TIAM1: variants seen among roughly 807,000 people sequenced by gnomAD.
TIAM1 encodes the protein rho guanine nucleotide exchange factor TIAM1.
In TIAM1, 65 loss-of-function variants were observed where a neutral mutation model predicts 163.5. That is an observed-to-expected ratio of 0.40 (90% confidence interval 0.33 to 0.49). The LOEUF is 0.49. Among genes scored for constraint, TIAM1 ranks in the 20% least tolerant of loss-of-function variants. The pLI is 0.77. For synonymous variants in TIAM1, 833 were observed against 810.1 expected (o/e 1.03, Z -0.48); for missense variants, 1,789 against 2,044.7 (o/e 0.87, Z 2.41).
chr21:31,510,107 T>A (rs1400142372), intron 1 of TIAM1, among the ~76,000 whole-genome samples: 5 of 152,180 alleles, frequency 3.3e-5, no homozygotes, highest in Non-Finnish European at 1.5e-5. Flanking sequence ...TGTAACTGCA[T>A]CAGTTTGCTA....
chr21:31,251,812 C>A lies in TIAM1; in HGVS notation c.1341G>T (p.Val447=). The change falls in exon 5 of 28, where the codon GTG becomes GTT. Residue 447 remains valine, a synonymous_variant. Transcript: ENST00000541036. Reference sequence around the variant, plus strand: ...ACTCCACCTTCTTGTTCTTCTTGTGCACCAGGAAGTTCTTGACGGCCAGGG... The same window carrying A: ...ACTCCACCTTCTTGTTCTTCTTGTGAACCAGGAAGTTCTTGACGGCCAGGG... The part of the protein sequence containing the change: ...AGALAVKNFL[V]HKKNKKVESA... 6.2e-7 allele frequency: 1 copy of A among 1,612,946 alleles called. No homozygotes were observed. Among genetic ancestry groups the A allele is most frequent in the Non-Finnish European group, 8.5e-7 (1 of 1,179,220 alleles).
chr21:31,240,897 T>C (rs1371568788), intron 6 of TIAM1, among the ~76,000 whole-genome samples: 1 of 152,214 alleles, frequency 6.6e-6, no homozygotes, highest in Non-Finnish European at 1.5e-5. Flanking sequence ...TAATCTCATC[T>C]TCAATTGTAG....
intron 2 of TIAM1, among the ~76,000 whole-genome samples, chr21:31,277,582 T>C (rs957008041): frequency 2.0e-5 from 3 of 151,912 alleles, no homozygotes; most frequent in African/African-American, 7.3e-5. Flanking sequence ...GAGGTGGAGG[T>C]TGCAGTGAGC....
chr21:31,260,458 C>T lies in TIAM1; in HGVS notation c.963+5552G>A, dbSNP rs143797647. Among the ~76,000 whole-genome samples the T allele has an allele frequency of 1.8e-3, 267 of 151,290 alleles. 1 individual carries two copies. The highest frequency in any genetic ancestry group is 5.7e-3 in the African/African-American group (237 of 41,324). Reference sequence around the variant, plus strand: ...TTCACCATGTAGGCAAGGCTGGTCTCGAACTCCTGACCTGAAATGACCTGC... The same window carrying T: ...TTCACCATGTAGGCAAGGCTGGTCTTGAACTCCTGACCTGAAATGACCTGC... On this transcript the variant is annotated intron_variant, in intron 4 of 27. Coordinates refer to ENST00000541036, the MANE Select transcript of TIAM1 (RefSeq NM_001353694.2).
intron 2 of TIAM1, among the ~76,000 whole-genome samples, chr21:31,425,047 C>T (rs1352812296): frequency 2.7e-5 from 4 of 148,692 alleles, no homozygotes; most frequent in Non-Finnish European, 4.4e-5. Context: ...AGCAGGACTC[C>T]GTCTCAAACA....
chr21:31,422,492 G>A (rs1017965172), intron 2 of TIAM1, among the ~76,000 whole-genome samples: 7 of 152,120 alleles, frequency 4.6e-5, no homozygotes, highest in Admixed American at 3.9e-4. Context: ...TTTTTAACAA[G>A]GAACCCTAGA....
At chr21:31,552,922 G>T (rs2048742876) in intron 1 of TIAM1, among the ~76,000 whole-genome samples, 1 of 152,172 alleles carries the variant, frequency 6.6e-6, no homozygotes, top group Non-Finnish European at 1.5e-5. Context: ...GGAATCCAAA[G>T]AAAATTTCAG....
At chr21:31,284,289 G>A (rs1259632751) in intron 2 of TIAM1, among the ~76,000 whole-genome samples, 3 of 152,182 alleles carry the variant, frequency 2.0e-5, no homozygotes, top group Non-Finnish European at 1.5e-5. Context: ...CCTTGGTTTA[G>A]AAGAGATGTC....
At chr21:31,466,296 A>C (rs898948695) in intron 1 of TIAM1, among the ~76,000 whole-genome samples, 3 of 152,304 alleles carry the variant, frequency 2.0e-5, no homozygotes, top group African/African-American at 7.2e-5. Flanking sequence ...TATTAAAGTC[A>C]GGGGGATTCT....
At chr21:31,472,592 A>T (rs2045783778) in intron 1 of TIAM1, among the ~76,000 whole-genome samples, 1 of 152,226 alleles carries the variant, frequency 6.6e-6, no homozygotes, top group African/African-American at 2.4e-5. Context: ...TGGCTGTCAC[A>T]TGCCCCGCAT....
At chr21:31,511,257 C>G (rs2147471605) in intron 1 of TIAM1, among the ~76,000 whole-genome samples, 2 of 152,312 alleles carry the variant, frequency 1.3e-5, no homozygotes, top group African/African-American at 4.8e-5. Flanking sequence ...CCAGGGTGAG[C>G]AGTTGGCTGG....
chr21:31,176,384 C>T (rs1013574523), intron 15 of TIAM1, among the ~76,000 whole-genome samples: 14 of 152,078 alleles, frequency 9.2e-5, no homozygotes, highest in African/African-American at 3.4e-4. Flanking sequence ...ACATCCTTCC[C>T]TTTTTTTCCT....
rs777770222 is a variant in TIAM1 at position 31,124,645 on chromosome 21, G to A, written c.4183C>T (p.Arg1395Cys). 8 of 1,612,188 alleles carry A rather than the reference G, an allele frequency of 5.0e-6. No individual in the cohort carries two copies. Among genetic ancestry groups the A allele is most frequent in the Admixed American group, 1.7e-5 (1 of 59,780 alleles). ...AGGAGCTGTCTTCTGTGCTTATCAC[G>A]CAGGATTGAATGCACAGCCTTTAGG... ...DFLKAVHSIL[R>C]DKHRRQLLKT... is the part of the protein sequence containing the mutation. Residue 1395 changes from arginine to cysteine, a missense_variant, in exon 27 of 28, where the codon CGT becomes TGT. Physicochemically the swap from Arg to Cys is radical, Grantham distance 180. This residue lies in a region of TIAM1 where 415 missense variants were observed against 439.2 expected (regional missense o/e 0.94). Transcript: ENST00000541036.
intron 20 of TIAM1, among the ~76,000 whole-genome samples, chr21:31,143,148 G>A (rs927031681): frequency 2.6e-5 from 4 of 151,992 alleles, no homozygotes; most frequent in South Asian, 2.1e-4. Flanking sequence ...CCCATACCTC[G>A]CCCAGTCACC....
chr21:31,277,124 C>A (rs551610711), intron 2 of TIAM1, among the ~76,000 whole-genome samples: 1 of 152,162 alleles, frequency 6.6e-6, no homozygotes, highest in South Asian at 2.1e-4. Flanking sequence ...TTCCCAGATG[C>A]TTAAGGCATT....
intron 2 of TIAM1, among the ~76,000 whole-genome samples, chr21:31,385,381 T>C (rs553625829): frequency 7.2e-5 from 11 of 152,198 alleles, no homozygotes; most frequent in Non-Finnish European, 1.3e-4. Flanking sequence ...TAAAATAGAA[T>C]GGGACTTTCA....
intron 1 of TIAM1, among the ~76,000 whole-genome samples, chr21:31,469,767 G>A (rs1236968039): frequency 6.6e-6 from 1 of 151,926 alleles, no homozygotes; most frequent in East Asian, 2.0e-4. Flanking sequence ...GGGAGGCAGA[G>A]CTTGCAGTGA....
At chr21:31,384,873 TAGCACATTA>T (rs1478996327) in intron 2 of TIAM1, among the ~76,000 whole-genome samples, 1 of 152,260 alleles carries the variant, frequency 6.6e-6, no homozygotes, top group East Asian at 1.9e-4. Context: ...AATGTATTAG[TAGCACATTA>T]AGCCCATGAC....
chr21:31,201,441 C>T (rs1451864486), intron 12 of TIAM1, among the ~76,000 whole-genome samples: 1 of 152,160 alleles, frequency 6.6e-6, no homozygotes, highest in Non-Finnish European at 1.5e-5. Context: ...CGCTCTCTTA[C>T]ATTTCCTTAA....
Sources: gnomAD v4.1 joint callset for allele counts (sites outside exome capture counted in the v4.1 genomes callset) on GRCh38, gnomAD v4.1.1 for gene constraint, gnomAD v4.1.1 regional missense constraint, MANE v1.5 for transcripts, NCBI Gene and HGNC (gene_info 2026-07-23, HGNC 2026-07-21) for gene names.